Variants in ARHGAP26 observed in about 807,000 individuals in gnomAD.
ARHGAP26 encodes the protein rho GTPase-activating protein 26.
ARHGAP26 carries 38 observed loss-of-function variants against 104.8 expected under a neutral mutation model. The observed-to-expected ratio is 0.36, with a 90% CI of 0.28 to 0.48. The LOEUF is 0.48. Ranked by LOEUF, ARHGAP26 falls within the 20% of genes least tolerant of loss-of-function variation. The pLI is 0.99. For synonymous variants in ARHGAP26, 341 were observed against 340.0 expected, an observed-to-expected ratio of 1.00 and a Z score of -0.03; for missense variants, 704 against 947.9, an observed-to-expected ratio of 0.74 and a Z score of 3.38.
chr5:143,163,592 A>G lies in ARHGAP26; in HGVS notation c.1988+16211A>G, dbSNP rs548699792. Among the ~76,000 whole-genome samples, 6 of 152,220 alleles carry G rather than the reference A, an allele frequency of 3.9e-5. No homozygotes were observed. The East Asian group carries it at 1.2e-3, about 29-fold the overall frequency. On this transcript the variant is annotated intron_variant, in intron 20 of 22. Coordinates refer to ENST00000645722, the MANE Select transcript of ARHGAP26 (RefSeq NM_001135608.3). ...CAGCCTCCCAAGTAGCTGGGATTAC[A>G]GGGGTGCACCACCACACCCAGCTAA...
intron 1 of ARHGAP26, among the ~76,000 whole-genome samples, chr5:142,836,257 C>T (rs1769541527): frequency 6.6e-6 from 1 of 152,214 alleles, no homozygotes; most frequent in African/African-American, 2.4e-5. Flanking sequence ...TTCACTTAAT[C>T]TGTGGTTCAT....
chr5:143,204,373 A>T (rs1808231385), intron 20 of ARHGAP26, among the ~76,000 whole-genome samples: 1 of 151,836 alleles, frequency 6.6e-6, no homozygotes, highest in African/African-American at 2.4e-5. Flanking sequence ...AAATACAAAA[A>T]ATTAGCCAGG....
chr5:143,061,066 TC>T (rs1240434504), intron 17 of ARHGAP26, among the ~76,000 whole-genome samples: 1 of 152,230 alleles, frequency 6.6e-6, no homozygotes, highest in Non-Finnish European at 1.5e-5. Context: ...TGTTTTAAAA[TC>T]ATGCAAAAGG....
Position 142,837,564 on chromosome 5 carries a change from C to T in ARHGAP26, c.155-35836C>T, listed in dbSNP as rs565811513. ...GGCCAGTTGTGCCTGCTTCTCCTGC[C>T]TTGTGCCCTGTACTTGCCCTTTGGT... On this transcript the variant is annotated intron_variant, in intron 1 of 22. Transcript: ENST00000645722. Among the ~76,000 whole-genome samples, 44 of 152,302 alleles carry T rather than the reference C, an allele frequency of 2.9e-4. 1 individual carries two copies. The South Asian group carries it at 5.4e-3, about 19-fold the overall frequency.
intron 11 of ARHGAP26, among the ~76,000 whole-genome samples, chr5:142,981,594 G>A (rs975989893): frequency 1.3e-5 from 2 of 152,188 alleles, no homozygotes; most frequent in African/African-American, 2.4e-5. Context: ...AGCCATGAGT[G>A]TGCTCTTGAT....
chr5:142,833,707 G>T (rs1768982345), intron 1 of ARHGAP26, among the ~76,000 whole-genome samples: 1 of 152,194 alleles, frequency 6.6e-6, no homozygotes, highest in Non-Finnish European at 1.5e-5. Flanking sequence ...GGCATTAGGG[G>T]CGGAGGCCTG....
intron 12 of ARHGAP26, among the ~76,000 whole-genome samples, chr5:143,025,903 T>C (rs899553968): frequency 2.0e-5 from 3 of 152,220 alleles, no homozygotes; most frequent in Admixed American, 2.0e-4. Flanking sequence ...TCCTGCTACC[T>C]ATTTTACTTT....
intron 1 of ARHGAP26, among the ~76,000 whole-genome samples, chr5:142,779,176 A>G (rs181730374): frequency 3.3e-5 from 5 of 152,032 alleles, no homozygotes; most frequent in Non-Finnish European, 5.9e-5. Flanking sequence ...GAACAACAGC[A>G]TTAGCAGCCA....
At chr5:142,903,302 G>A (rs1760640046) in intron 7 of ARHGAP26, among the ~76,000 whole-genome samples, 1 of 152,130 alleles carries the variant, frequency 6.6e-6, no homozygotes, top group African/African-American at 2.4e-5. Context: ...TGAGGGCTGG[G>A]CATTTGCATT....
intron 5 of ARHGAP26, among the ~76,000 whole-genome samples, chr5:142,886,487 T>C (rs1263872787): frequency 6.6e-6 from 1 of 152,198 alleles, no homozygotes; most frequent in Non-Finnish European, 1.5e-5. Context: ...TCAACAACAA[T>C]GACAACTGTA....
At chr5:142,884,371 A>G (rs983138302) in intron 4 of ARHGAP26, among the ~76,000 whole-genome samples, 5 of 152,252 alleles carry the variant, frequency 3.3e-5, no homozygotes, top group East Asian at 3.8e-4. Flanking sequence ...CAGTGACCCA[A>G]TGATTCAGTG....
chr5:143,069,538 A>G (rs1787957398), intron 17 of ARHGAP26, among the ~76,000 whole-genome samples: 1 of 152,220 alleles, frequency 6.6e-6, no homozygotes, highest in African/African-American at 2.4e-5. Context: ...CATCTGTACT[A>G]AGGCGGTAGT....
chr5:142,909,318 G>A lies in ARHGAP26; in HGVS notation c.933+1514G>A, dbSNP rs531907726. Among the ~76,000 whole-genome samples, 52 of 152,142 alleles carry A rather than the reference G, an allele frequency of 3.4e-4. No individual in the cohort carries two copies. In the Middle Eastern group the frequency reaches 0.01, roughly 30 times the overall value. On this transcript the variant is annotated intron_variant, in intron 9 of 22. Coordinates refer to ENST00000645722, the MANE Select transcript of ARHGAP26 (RefSeq NM_001135608.3). Reference sequence around the variant, plus strand: ...TAGTCCTCTACAAGCATTCCACTTCGGTCCTCTCTGCAGTACATTTTTATG... The same window carrying A: ...TAGTCCTCTACAAGCATTCCACTTCAGTCCTCTCTGCAGTACATTTTTATG...
intron 20 of ARHGAP26, among the ~76,000 whole-genome samples, chr5:143,192,229 G>C (rs936953297): frequency 6.6e-6 from 1 of 152,216 alleles, no homozygotes; most frequent in East Asian, 1.9e-4. Context: ...CAAACTCATC[G>C]TGATATCAAA....
chr5:142,913,124 A>G, intron 9 of ARHGAP26, 75 bp from the exon 10 acceptor site: 1 of 1,228,326 alleles, frequency 8.1e-7, no homozygotes, highest in Non-Finnish European at 1.2e-6. Flanking sequence ...GCTCCTGTTT[A>G]CATGTCATGT....
intron 1 of ARHGAP26, among the ~76,000 whole-genome samples, chr5:142,846,039 C>T (rs371320071): frequency 2.0e-5 from 3 of 152,042 alleles, no homozygotes; most frequent in East Asian, 1.9e-4. Context: ...TTTTGTGCAC[C>T]GCAGTGAAAC....
At chr5:142,937,295 G>C (rs1192971637) in intron 11 of ARHGAP26, among the ~76,000 whole-genome samples, 3 of 152,116 alleles carry the variant, frequency 2.0e-5, no homozygotes, top group African/African-American at 7.2e-5. Context: ...ATAAGCACAG[G>C]AAAAGATGTT....
intron 11 of ARHGAP26, among the ~76,000 whole-genome samples, chr5:142,984,683 A>G (rs1409716665): frequency 6.6e-6 from 1 of 152,198 alleles, no homozygotes; most frequent in Non-Finnish European, 1.5e-5. Flanking sequence ...CTGTGGTCCC[A>G]TAAGATTATA....
chr5:143,058,213 A>G, intron 17 of ARHGAP26: 1 of 380,464 alleles, frequency 2.6e-6, no homozygotes, highest in South Asian at 2.6e-5. Flanking sequence ...AAACTGCTGA[A>G]CTTTCTATTC....
Sources: allele counts gnomAD v4.1 joint callset (sites outside exome capture counted in the v4.1 genomes callset), GRCh38; gene constraint gnomAD v4.1.1; transcripts MANE v1.5; gene names NCBI Gene and HGNC (gene_info 2026-07-23, HGNC 2026-07-21).